RGS6: variants seen among roughly 807,000 people sequenced by gnomAD.
The protein encoded by RGS6 is regulator of G protein signaling 6, also known as regulator of G-protein signaling 6.
In RGS6, 30 loss-of-function variants were observed where a neutral mutation model predicts 78.5. The observed-to-expected ratio is 0.38, with a 90% confidence interval of 0.29 to 0.52. The LOEUF (loss-of-function observed/expected upper bound fraction) is 0.52. RGS6 is among the 20% of genes least tolerant of loss of function. The pLI is 0.85. For missense variants in RGS6, 495 were observed against 609.7 expected (o/e 0.81, Z 1.98); for synonymous variants, 206 against 206.0 (o/e 1.00, Z 0.00).
At chr14:72,472,751 C>G (rs2096119524) in intron 8 of RGS6, 121 bp from the exon 9 acceptor site, 1 of 691,212 alleles carries the variant, frequency 1.4e-6, no homozygotes, top group African/African-American at 1.8e-5. Context: ...AGGCACCATG[C>G]AGGTACCAAT....
rs116374602 is a variant in RGS6 at position 72,456,929 on chromosome 14, A to T, written c.236-1342A>T. On this transcript the variant is annotated intron_variant, in intron 4 of 17. Coordinates refer to ENST00000553525, the MANE Select transcript of RGS6 (RefSeq NM_001204424.2). ...CCTACCTCTACCAAAAAAAATAAAA[A>T]AAAAATTAGACAGACGTGGTGGCAT... Among the ~76,000 whole-genome samples the T allele has an allele frequency of 3.7e-3, 569 of 151,910 alleles. 1 individual carries two copies. Among genetic ancestry groups the T allele is most frequent in the African/African-American group, 0.013 (535 of 41,418 alleles).
intron 2 of RGS6, among the ~76,000 whole-genome samples, chr14:72,173,608 C>G (rs115836108): frequency 0.013 from 1,949 of 152,272 alleles, 40 homozygotes; most frequent in African/African-American, 0.044. Flanking sequence ...TTCCGTCCCT[C>G]TCCAATAACC....
At chr14:72,152,467 G>A (rs1284206404) in intron 2 of RGS6, among the ~76,000 whole-genome samples, 1 of 152,326 alleles carries the variant, frequency 6.6e-6, no homozygotes. Flanking sequence ...GTACAGGGCT[G>A]TGGGGCAGCA....
chr14:72,568,004 C>G (rs1351739388), downstream of RGS6, among the ~76,000 whole-genome samples: 2 of 152,216 alleles, frequency 1.3e-5, no homozygotes, highest in East Asian at 3.9e-4. Context: ...GCTGTGGAAT[C>G]TGGCTTATTT....
In RGS6 at chr14:72,131,127, C is replaced by T. The variant is rs574295705; in HGVS notation, c.84+166252C>T. On this transcript the variant is annotated intron_variant, in intron 2 of 17. Coordinates refer to ENST00000553525, the MANE Select transcript of RGS6 (RefSeq NM_001204424.2). ...TCTACTAGTTTTCATCTTTCGCTCA[C>T]GGACTATTCTCTTGAGCCAGATTCC... 1.4e-4 allele frequency among the ~76,000 whole-genome samples: 21 copies of T among 152,340 alleles called. No homozygotes were observed. The South Asian group carries it at 3.1e-3, about 23-fold the overall frequency.
At chr14:72,545,992 T>C (rs1230229224) in intron 17 of RGS6, among the ~76,000 whole-genome samples, 1 of 152,128 alleles carries the variant, frequency 6.6e-6, no homozygotes, top group Non-Finnish European at 1.5e-5. Context: ...GCATGCACTG[T>C]GGGGTCCCAG....
At chr14:72,185,769 C>T (rs117684007) in intron 2 of RGS6, among the ~76,000 whole-genome samples, 1 of 152,110 alleles carries the variant, frequency 6.6e-6, no homozygotes, top group Non-Finnish European at 1.5e-5. Flanking sequence ...CATGGGGAGA[C>T]CCCATCTCTA....
chr14:71,882,958 T>TG, the RGS6 span, among the ~76,000 whole-genome samples: 1 of 152,200 alleles, frequency 6.6e-6, no homozygotes, highest in Non-Finnish European at 1.5e-5. Flanking sequence ...TGGGTGTTAA[T>TG]GACATATCCC....
chr14:72,478,064 C>T (rs1202951935), intron 11 of RGS6, among the ~76,000 whole-genome samples: 1 of 152,016 alleles, frequency 6.6e-6, no homozygotes, highest in Non-Finnish European at 1.5e-5. Flanking sequence ...GAGACAAAGG[C>T]TAAATTGCAG....
At chr14:71,983,991 A>G (rs552836849) in intron 2 of RGS6, among the ~76,000 whole-genome samples, 1 of 152,324 alleles carries the variant, frequency 6.6e-6, no homozygotes, top group Admixed American at 6.5e-5. Flanking sequence ...CGTGGCACAC[A>G]GTCTCTGTCC....
At chr14:72,485,902 C>T (rs553400738) in intron 12 of RGS6, among the ~76,000 whole-genome samples, 25 of 152,314 alleles carry the variant, frequency 1.6e-4, no homozygotes, top group Non-Finnish European at 3.5e-4. Context: ...ACCACCAGCC[C>T]TTGAACTTTG....
intron 3 of RGS6, among the ~76,000 whole-genome samples, chr14:72,415,553 C>A (rs1486715243): frequency 6.6e-6 from 1 of 152,250 alleles, no homozygotes; most frequent in Non-Finnish European, 1.5e-5. Flanking sequence ...GTCCTGCACC[C>A]ACTGTCCAGC....
At chr14:72,507,723 G>A (rs2096826272) in intron 13 of RGS6, among the ~76,000 whole-genome samples, 3 of 152,186 alleles carry the variant, frequency 2.0e-5, no homozygotes, top group South Asian at 4.1e-4. Flanking sequence ...GTGCATCCAT[G>A]AGGCAGTCAC....
intron 2 of RGS6, among the ~76,000 whole-genome samples, chr14:72,253,780 G>A (rs1189489967): frequency 6.6e-6 from 1 of 152,176 alleles, no homozygotes; most frequent in Non-Finnish European, 1.5e-5. Flanking sequence ...CTGAGCATCG[G>A]CCAACCTATG....
chr14:72,238,929 G>T (rs1018102690), intron 2 of RGS6, among the ~76,000 whole-genome samples: 2 of 152,184 alleles, frequency 1.3e-5, no homozygotes, highest in Non-Finnish European at 2.9e-5. Context: ...AGTGGAAGGT[G>T]TCCGAGTTAC....
intron 3 of RGS6, among the ~76,000 whole-genome samples, chr14:72,405,711 A>G (rs895614187): frequency 2.0e-5 from 3 of 152,238 alleles, no homozygotes; most frequent in African/African-American, 7.2e-5. Context: ...CCCAACAACC[A>G]GACTTTTGGG....
intron 2 of RGS6, among the ~76,000 whole-genome samples, chr14:72,246,278 T>TA (rs1188637766): frequency 6.6e-6 from 1 of 152,236 alleles, no homozygotes; most frequent in Admixed American, 6.5e-5. Context: ...AGCCCTGTGA[T>TA]ACTACCTAGT....
At chr14:72,320,974 T>C (rs995170368) in intron 2 of RGS6, among the ~76,000 whole-genome samples, 8 of 150,194 alleles carry the variant, frequency 5.3e-5, no homozygotes, top group African/African-American at 1.9e-4. Flanking sequence ...AAAATAAGTG[T>C]AGGAATGAAC....
chr14:72,010,831 A>G (rs2085521140), intron 2 of RGS6, among the ~76,000 whole-genome samples: 1 of 152,124 alleles, frequency 6.6e-6, no homozygotes, highest in South Asian at 2.1e-4. Context: ...TTAACTAGAT[A>G]TTTTTTTCTC....
Sources: gnomAD v4.1 joint callset for allele counts (sites outside exome capture counted in the v4.1 genomes callset) on GRCh38, gnomAD v4.1.1 for gene constraint, MANE v1.5 for transcripts, NCBI Gene and HGNC (gene_info 2026-07-23, HGNC 2026-07-21) for gene names.